IFT46: variants seen among roughly 807,000 people sequenced by gnomAD.
The protein encoded by IFT46 is intraflagellar transport 46.
A neutral mutation model predicts 39.6 loss-of-function variants in IFT46; 19 were observed. The ratio of observed to expected loss-of-function variants is 0.48; its 90% CI spans 0.33 to 0.70. The LOEUF is 0.70. Among genes scored for constraint, IFT46 ranks in the 30% least tolerant of loss-of-function variants. The probability of loss-of-function intolerance (pLI) is 0.01; values close to 1 mark genes in which losing one functional copy is unlikely to be tolerated. For missense variants in IFT46, 334 were observed against 364.8 expected, an observed-to-expected ratio of 0.92 and a Z score of 0.69; for synonymous variants, 117 against 134.8, an observed-to-expected ratio of 0.87 and a Z score of 0.91.
At chr11:118,564,733 G>C (rs1198580801) in intron 2 of IFT46, among the ~76,000 whole-genome samples, 1 of 152,164 alleles carries the variant, frequency 6.6e-6, no homozygotes, top group Non-Finnish European at 1.5e-5. Context: ...CTGGCAGACA[G>C]TGAGCAAAGC....
upstream of IFT46, among the ~76,000 whole-genome samples, chr11:118,570,682 C>T (rs1210819789): frequency 6.6e-6 from 1 of 152,172 alleles, no homozygotes; most frequent in Admixed American, 6.5e-5. Flanking sequence ...ATGAGAATCA[C>T]AAGAACAGAT....
chr11:118,565,497 G>C (rs1938198286), intron 1 of IFT46: 3 of 141,162 alleles, frequency 2.1e-5, no homozygotes, highest in East Asian at 4.2e-4. Flanking sequence ...GTGGGGTGGG[G>C]TGGGCTGAGG....
chr11:118,546,086 G>T (rs1951677551), intron 9 of IFT46: 2 of 717,608 alleles, frequency 2.8e-6, no homozygotes, highest in Non-Finnish European at 5.2e-6. Flanking sequence ...CATTAGGGTG[G>T]GCCTTAATCC....
At position 118,555,297 on chromosome 11, in the gene IFT46, G is replaced by C. The variant is rs367823404; in HGVS notation, c.211C>G (p.His71Asp). 1.2e-6 allele frequency: 2 copies of C among 1,613,962 alleles called. No homozygotes were observed. The highest frequency in any genetic ancestry group is 2.7e-5 in the African/African-American group (2 of 74,896). ...TTAATTTCAGCAGAAACTGGCAAAT[G>C]CTCATAGTCTGCAGGGTCATAGGCC... ...EGAYDPADYE[H>D]LPVSAEIKEL... The change falls in exon 5 of 12, where the codon CAT (histidine) becomes GAT (aspartate). Residue 71 changes from histidine (H) to aspartate (D), a missense_variant. Transcript: ENST00000264021.
At chr11:118,563,053 A>G (rs1384322529) in intron 2 of IFT46, among the ~76,000 whole-genome samples, 1 of 151,982 alleles carries the variant, frequency 6.6e-6, no homozygotes, top group Non-Finnish European at 1.5e-5. Flanking sequence ...TGACAGAGCG[A>G]AATTCAGTCT....
At chr11:118,569,380 G>A (rs1938292127), upstream of IFT46, among the ~76,000 whole-genome samples, 1 of 151,740 alleles carries the variant, frequency 6.6e-6, no homozygotes, top group Admixed American at 6.6e-5. Flanking sequence ...ACTGCTTGAG[G>A]TCAGGAGTTC....
At chr11:118,573,589 G>A, upstream of IFT46, 1 of 683,548 alleles carries the variant, frequency 1.5e-6, no homozygotes, top group East Asian at 2.7e-5. Context: ...AGGATGTTCT[G>A]TTCTGTTCTT....
chr11:118,558,007 GT>G lies in IFT46; in HGVS notation c.46-963del. 6 of 1,037,450 alleles carry G rather than the reference GT, an allele frequency of 5.8e-6. No individual in the cohort carries two copies. In the South Asian group the frequency reaches 1.0e-4, roughly 18 times the overall value. The allele number at this position is 1,037,450 out of a possible 1,614,324, so 64.3% of individuals were successfully genotyped here. A position where few individuals can be genotyped will look rare whatever the true frequency, so the allele number is the denominator to read the frequency against. Reference sequence around the variant, plus strand: ...GATTCCAGTTGTTTAAAATTAATTTGTTTTTATGGTAAAGCAGCTATTGGCA... The same window carrying G: ...GATTCCAGTTGTTTAAAATTAATTTGTTTTATGGTAAAGCAGCTATTGGCA... On this transcript the variant is annotated intron_variant, in intron 3 of 11. Transcript: ENST00000264021.
chr11:118,576,176 C>T (rs1271011888), upstream of IFT46, among the ~76,000 whole-genome samples: 2 of 151,958 alleles, frequency 1.3e-5, no homozygotes, highest in African/African-American at 4.8e-5. Flanking sequence ...TTACTTGAGG[C>T]ACTTAACAAT....
chr11:118,545,733 C>T (rs1460425771), intron 10 of IFT46, 60 bp downstream of exon 10: 13 of 1,542,650 alleles, frequency 8.4e-6, no homozygotes, highest in South Asian at 1.1e-5. Context: ...ACAAGCCTGT[C>T]CAAAAGCCTA....
intron 9 of IFT46, chr11:118,546,411 A>C (rs547187193): frequency 8.9e-6 from 4 of 450,756 alleles, no homozygotes; most frequent in Admixed American, 3.4e-5. Flanking sequence ...GGACTGCTTG[A>C]GTCCAGCAGG....
chr11:118,544,544 T>A lies in IFT46; in HGVS notation c.*372A>T, dbSNP rs1951629891. On this transcript the variant is annotated 3_prime_UTR_variant, in exon 12 of 12. Transcript: ENST00000264021. ...ATAATCTGACAATATAATAGAGCAT[T>A]TGATTTATAAAATCTTTACTCACTA... 9.6e-6 allele frequency: 2 copies of A among 208,802 alleles called. No homozygotes were observed. The highest frequency in any genetic ancestry group is 1.9e-5 in the Non-Finnish European group (2 of 103,562). The allele number at this position is 208,802 out of a possible 1,614,324, so 12.9% of individuals were successfully genotyped here. A position where few individuals can be genotyped will look rare whatever the true frequency, so the allele number is the denominator to read the frequency against.
intron 9 of IFT46, among the ~76,000 whole-genome samples, chr11:118,548,566 C>T (rs375916171): frequency 5.1e-4 from 75 of 147,826 alleles, no homozygotes; most frequent in Non-Finnish European, 8.7e-4. Flanking sequence ...GGTTTCACCA[C>T]GTTGGCCAGG....
At chr11:118,572,737 C>G (rs1012598818) in exon 1 of IFT46, 2 of 580,634 alleles carry the variant, frequency 3.4e-6, no homozygotes, top group South Asian at 2.8e-5. Flanking sequence ...GGAGCTGACT[C>G]CAGTCCATCT....
intron 2 of IFT46, chr11:118,560,787 A>G: frequency 1.4e-6 from 1 of 723,542 alleles, no homozygotes; most frequent in Non-Finnish European, 2.5e-6. Flanking sequence ...TACTATCCTC[A>G]GAAATGCTTG....
chr11:118,549,343 A>G (rs536378481), intron 9 of IFT46, among the ~76,000 whole-genome samples: 47 of 150,958 alleles, frequency 3.1e-4, no homozygotes, highest in Non-Finnish European at 5.8e-4. Flanking sequence ...TGCCTGGCCC[A>G]GTTTCCTTTC....
At position 118,545,797 on chromosome 11, in the gene IFT46, G is replaced by C; in HGVS notation, c.729C>G (p.Ile243Met). Residue 243 changes from isoleucine to methionine, a missense_variant, in exon 10 of 12, where the codon ATC becomes ATG. Physicochemically the swap from Ile to Met is conservative, Grantham distance 10. Coordinates refer to ENST00000264021, the MANE Select transcript of IFT46 (RefSeq NM_001168618.2). ...DCSLAEYIDMICAILDIPVYK... is the reference protein window; with the variant it reads ...DCSLAEYIDMMCAILDIPVYK... ...GGAAAGGAAAGAGGAACTCACCACA[G>C]ATCATGTCAATGTACTCTGCCAGGC... 6.2e-7 allele frequency: 1 copy of C among 1,614,104 alleles called. No individual in the cohort carries two copies. The highest frequency in any genetic ancestry group is 8.5e-7 in the Non-Finnish European group (1 of 1,179,952).
At position 118,552,231 on chromosome 11, in the gene IFT46, C is replaced by T. The variant is rs993540089; in HGVS notation, c.588G>A (p.Ala196=). 7.4e-6 allele frequency: 12 copies of T among 1,614,060 alleles called. No homozygotes were observed. Among genetic ancestry groups the T allele is most frequent in the Admixed American group, 5.0e-5 (3 of 60,002 alleles). Residue 196 remains alanine, a synonymous_variant, in exon 8 of 12, where the codon GCG becomes GCA. Coordinates refer to ENST00000264021, the MANE Select transcript of IFT46 (RefSeq NM_001168618.2). ...ISELHRSKPP[A]TVHYTRPMPD... ...TTTCTTACCTGGTGTAGTGCACAGT[C>T]GCAGGGGGCTTAGAACGGTGTAATT...
At chr11:118,569,815 A>G (rs139193439), upstream of IFT46, among the ~76,000 whole-genome samples, 139 of 152,358 alleles carry the variant, frequency 9.1e-4, 4 homozygotes, top group East Asian at 0.012. Flanking sequence ...TAAGTGTTCA[A>G]TAAATGTTAG....
Sources: allele counts gnomAD v4.1 joint callset (sites outside exome capture counted in the v4.1 genomes callset), GRCh38; gene constraint gnomAD v4.1.1; transcripts MANE v1.5; gene names NCBI Gene and HGNC (gene_info 2026-07-23, HGNC 2026-07-21).